The following BICRA variants were observed in gnomAD, a reference collection of about 807,000 sequenced individuals.
BICRA encodes the protein BRD4 interacting chromatin remodeling complex associated protein.
BICRA carries 31 observed loss-of-function variants against 96.9 expected under a neutral mutation model. The ratio of observed to expected loss-of-function variants is 0.32; its 90% CI spans 0.24 to 0.43. The LOEUF is 0.43. Ranked by LOEUF, BICRA falls within the 20% of genes least tolerant of loss-of-function variation. The pLI is 1.00. For missense variants in BICRA, 2,283 were observed against 2,190.3 expected (o/e 1.04, Z -0.84); for synonymous variants, 1,350 against 1,071.8 (o/e 1.26, Z -5.07).
chr19:47,685,770 TGTGTGTGTGTGTGTGTGC>T (rs1227436741), intron 7 of BICRA, among the ~76,000 whole-genome samples: 51 of 133,034 alleles, frequency 3.8e-4, no homozygotes, highest in South Asian at 1.2e-3. Flanking sequence ...TGTGTGTGTG[TGTGTGTGTGTGTGTGTGC>T]GCGCGCGCGC....
At chr19:47,697,474 T>TTTTTG (rs1357058955) in intron 11 of BICRA, among the ~76,000 whole-genome samples, 2 of 151,498 alleles carry the variant, frequency 1.3e-5, no homozygotes, top group South Asian at 2.1e-4. Flanking sequence ...GTTGGTTTTG[T>TTTTTG]TTTTGTTTTG....
intron 2 of BICRA, among the ~76,000 whole-genome samples, chr19:47,672,577 GTGGATGGA>G (rs57088975): frequency 6.7e-6 from 1 of 150,076 alleles, no homozygotes; most frequent in African/African-American, 2.5e-5. Context: ...AGATAAAGAA[GTGGATGGA>G]TGGATGGATG....
chr19:47,638,133 C>T (rs1370712169), intron 1 of BICRA, among the ~76,000 whole-genome samples: 1 of 152,094 alleles, frequency 6.6e-6, no homozygotes, highest in East Asian at 1.9e-4. Context: ...CCTGCTCTTT[C>T]TTTGTGTATC....
intron 1 of BICRA, among the ~76,000 whole-genome samples, chr19:47,613,029 A>G (rs1244774020): frequency 6.6e-6 from 1 of 151,934 alleles, no homozygotes; most frequent in African/African-American, 2.4e-5. Flanking sequence ...GAATGTAGGA[A>G]CTGATCTTTT....
chr19:47,624,833 G>T (rs577447685), intron 1 of BICRA, among the ~76,000 whole-genome samples: 4 of 151,732 alleles, frequency 2.6e-5, no homozygotes, highest in African/African-American at 9.7e-5. Flanking sequence ...AGTTGGGACC[G>T]CAGGCATGTG....
intron 1 of BICRA, among the ~76,000 whole-genome samples, chr19:47,654,030 G>A (rs1015739834): frequency 6.6e-6 from 1 of 152,066 alleles, no homozygotes; most frequent in East Asian, 1.9e-4. Flanking sequence ...ATATGTTTTC[G>A]ACTCTCTTGG....
Position 47,614,367 on chromosome 19 carries a change from A to C in BICRA, c.-108+5199A>C, listed in dbSNP as rs148740756. On this transcript the variant is annotated intron_variant, in intron 1 of 14. Coordinates refer to ENST00000594866, the MANE Select transcript of BICRA (RefSeq NM_001394372.1). ...CATGGTGGCTCACGCCTGTAATCCC[A>C]GCACTTTGGGAGGCTGAAGTGGGCA... is the stretch of plus-strand genomic sequence containing the variant. Among the ~76,000 whole-genome samples the C allele has an allele frequency of 3.3e-5, 5 of 152,340 alleles. No individual in the cohort carries two copies. In the East Asian group the frequency reaches 7.7e-4, roughly 24 times the overall value.
intron 7 of BICRA, among the ~76,000 whole-genome samples, chr19:47,683,774 C>T (rs575597129): frequency 2.4e-4 from 36 of 152,144 alleles, no homozygotes; most frequent in Non-Finnish European, 4.7e-4. Context: ...TTAGTAGAGA[C>T]GGGGTTTCAC....
intron 7 of BICRA, among the ~76,000 whole-genome samples, chr19:47,685,786 T>TGTGTGTGTGTGCGCGCGCGCGCGC: frequency 1.4e-4 from 17 of 117,930 alleles, no homozygotes; most frequent in East Asian, 3.5e-4. Flanking sequence ...TGTGTGTGTG[T>TGTGTGTGTGTGCGCGCGCGCGCGC]GCGCGCGCGC....
chr19:47,702,163 C>A lies in BICRA; in HGVS notation c.4431C>A (p.Ser1477=). The A allele has an allele frequency of 6.4e-7, 1 of 1,568,006 alleles. No homozygotes were observed. Residue 1477 remains serine (S), a synonymous_variant, in exon 15 of 15, where the codon TCC becomes TCA. Transcript: ENST00000594866. Reference sequence around the variant, plus strand: ...TGCCCCCTGCCAAGCGGCGCAAGTCCGAGTCGCCCGACGTGGACCAGGCCA... The same window carrying A: ...TGCCCCCTGCCAAGCGGCGCAAGTCAGAGTCGCCCGACGTGGACCAGGCCA... The part of the protein sequence containing the change: ...PGLPPAKRRK[S]ESPDVDQASF...
Position 47,699,306 on chromosome 19 carries a change from G to C in BICRA, c.3496G>C (p.Val1166Leu). 1.3e-6 allele frequency: 2 copies of C among 1,553,608 alleles called. No individual in the cohort carries two copies. The highest frequency in any genetic ancestry group is 1.7e-6 in the Non-Finnish European group (2 of 1,145,678). ...RLLLLEESRRVSPSAEMVMID... is the reference protein window; with the variant it reads ...RLLLLEESRRLSPSAEMVMID... ...GTCGTCTTTTCCCCCACCCCAGAGGGTGAGCCCCTCAGCGGAGATGGTAAT... is the reference window on the plus strand; with the variant it reads ...GTCGTCTTTTCCCCCACCCCAGAGGCTGAGCCCCTCAGCGGAGATGGTAAT... Residue 1166 changes from valine (V) to leucine (L), a missense_variant, in exon 14 of 15, where the codon GTG becomes CTG. Transcript: ENST00000594866. The surrounding 1 kb of genome is among the most constrained non-coding windows in gnomAD (Gnocchi z 5.0).
intron 14 of BICRA, chr19:47,700,935 A>AT (rs11377653): frequency 0.27 from 63,386 of 233,426 alleles, 9,148 homozygotes; most frequent in Middle Eastern, 0.32. Flanking sequence ...TATTTTATTT[A>AT]TTGTTTTTTT....
chr19:47,673,928 GTCC>G (rs1972904089), intron 4 of BICRA, among the ~76,000 whole-genome samples, 166 bp downstream of exon 4: 1 of 152,006 alleles, frequency 6.6e-6, no homozygotes, highest in African/African-American at 2.4e-5. Context: ...GTAATCCCCT[GTCC>G]TCCTTCCATG....
intron 1 of BICRA, among the ~76,000 whole-genome samples, chr19:47,634,588 C>T (rs895350426): frequency 4.6e-5 from 7 of 152,022 alleles, no homozygotes; most frequent in East Asian, 1.9e-4. Context: ...GCTCCTGATA[C>T]GGTTCTCCTC....
intron 7 of BICRA, among the ~76,000 whole-genome samples, chr19:47,685,752 T>G (rs541553892): frequency 1.4e-3 from 171 of 120,038 alleles, no homozygotes; most frequent in African/African-American, 5.7e-3. Context: ...TGTGTGTGTG[T>G]GTGTGTGTGT....
At chr19:47,630,459 A>G (rs887651727) in intron 1 of BICRA, among the ~76,000 whole-genome samples, 1 of 152,088 alleles carries the variant, frequency 6.6e-6, no homozygotes, top group Non-Finnish European at 1.5e-5. Context: ...GGTGTGAGCC[A>G]CTGCGCCCGG....
At chr19:47,625,851 T>A (rs1568548968) in intron 1 of BICRA, among the ~76,000 whole-genome samples, 1 of 151,650 alleles carries the variant, frequency 6.6e-6, no homozygotes, top group Non-Finnish European at 1.5e-5. Context: ...GCCGTGGGGC[T>A]GTGTGGGGGC....
chr19:47,691,600 G>T (rs1213502623), intron 7 of BICRA, among the ~76,000 whole-genome samples: 1 of 152,128 alleles, frequency 6.6e-6, no homozygotes, highest in Non-Finnish European at 1.5e-5. Flanking sequence ...GTCTCACTCT[G>T]TCGCCTAGTC....
rs1225898514 is a variant in BICRA, at chr19:47,699,076, C to G, written c.3492+17C>G. On this transcript the variant is annotated intron_variant, in intron 13 of 14. Transcript: ENST00000594866. The surrounding 1 kb of genome is among the most constrained non-coding windows in gnomAD (Gnocchi z 5.0). ...GAGTCCCGGGTAGGGTCAGAGTCGCCTTCCTCGCCTCTGGGCTCCTCCTCG... is the reference window on the plus strand; with the variant it reads ...GAGTCCCGGGTAGGGTCAGAGTCGCGTTCCTCGCCTCTGGGCTCCTCCTCG... 8 of 1,478,622 alleles carry G rather than the reference C, an allele frequency of 5.4e-6. 1 individual carries two copies. In the East Asian group the frequency reaches 1.7e-4, roughly 32 times the overall value. 91.6% of individuals were successfully genotyped at this position (1,478,622 alleles called of 1,614,324 possible).
Sources: gnomAD v4.1 joint callset for allele counts (sites outside exome capture counted in the v4.1 genomes callset) on GRCh38, gnomAD v4.1.1 for gene constraint, Gnocchi (gnomAD v3.1) non-coding constraint, MANE v1.5 for transcripts, NCBI Gene and HGNC (gene_info 2026-07-23, HGNC 2026-07-21) for gene names.